NALCN: variants seen among roughly 807,000 people sequenced by gnomAD.
NALCN encodes the protein sodium leak channel NALCN.
NALCN carries 111 observed loss-of-function variants against 225.3 expected under a neutral mutation model. The observed-to-expected ratio is 0.49, with a 90% confidence interval of 0.42 to 0.58. NALCN has a LOEUF of 0.58. NALCN is among the 20% of genes least tolerant of loss of function. The pLI is 0.00. For missense variants in NALCN, 1,378 were observed against 2,202.4 expected (o/e 0.63, Z 7.49); for synonymous variants, 764 against 769.0 (o/e 0.99, Z 0.11).
chr13:101,306,690 T>C (rs1453924922), intron 7 of NALCN, among the ~76,000 whole-genome samples: 1 of 152,234 alleles, frequency 6.6e-6, no homozygotes, highest in Non-Finnish European at 1.5e-5. Flanking sequence ...CATGAATTGC[T>C]GTGGGTCAGG....
chr13:101,411,306 C>T (rs2047777721), intron 1 of NALCN, among the ~76,000 whole-genome samples: 1 of 150,614 alleles, frequency 6.6e-6, no homozygotes, highest in Admixed American at 6.6e-5. Flanking sequence ...AGTCTGTGGG[C>T]ATGCTTCCGC....
intron 6 of NALCN, among the ~76,000 whole-genome samples, chr13:101,373,536 T>G (rs61973706): frequency 6.6e-6 from 1 of 151,986 alleles, no homozygotes; most frequent in Non-Finnish European, 1.5e-5. Flanking sequence ...TTACATTAAC[T>G]GAACAAAACG....
At chr13:101,136,314 A>ATTTATTTATTTATT (rs61142230) in intron 17 of NALCN, among the ~76,000 whole-genome samples, 13,124 of 74,074 alleles carry the variant, frequency 0.18, 962 homozygotes, top group African/African-American at 0.23. Flanking sequence ...TTATTTATTT[A>ATTTATTTATTTATT]TATATTATAC....
intron 13 of NALCN, among the ~76,000 whole-genome samples, chr13:101,211,131 G>A (rs926222280): frequency 6.6e-6 from 1 of 152,004 alleles, no homozygotes; most frequent in Admixed American, 6.6e-5. Context: ...ACATACTTGA[G>A]GAAGCTCATT....
intron 6 of NALCN, among the ~76,000 whole-genome samples, chr13:101,376,006 A>G (rs1325649201): frequency 6.6e-6 from 1 of 152,182 alleles, no homozygotes; most frequent in Non-Finnish European, 1.5e-5. Context: ...CATAATAGGT[A>G]ATTAAAGTAC....
Position 101,074,595 on chromosome 13 carries a change from C to T in NALCN, c.4022G>A (p.Gly1341Asp). 1 of 1,613,618 alleles carries T rather than the reference C, an allele frequency of 6.2e-7. No homozygotes were observed. Among genetic ancestry groups the T allele is most frequent in the Non-Finnish European group, 8.5e-7 (1 of 1,179,938 alleles). Residue 1341 changes from glycine (G) to aspartate (D), a missense_variant, in exon 36 of 44, where the codon GGC becomes GAC. This residue lies in a region of NALCN where 76 missense variants were observed against 118.7 expected (regional missense o/e 0.64). Coordinates refer to ENST00000251127, the MANE Select transcript of NALCN (RefSeq NM_052867.4). ...GTAACACAGCAGCAAGAGAAACATGCCTACTATGATAAAGAAGCTCTTGTA... is the reference window on the plus strand; with the variant it reads ...GTAACACAGCAGCAAGAGAAACATGTCTACTATGATAAAGAAGCTCTTGTA... ...SMYKSFFIIV[G>D]MFLLLLCYAF...
At chr13:101,159,161 A>G (rs933163276) in intron 15 of NALCN, among the ~76,000 whole-genome samples, 9 of 152,258 alleles carry the variant, frequency 5.9e-5, no homozygotes, top group African/African-American at 2.2e-4. Flanking sequence ...GCAAGGAATG[A>G]ATATCATCAC....
At chr13:101,291,752 A>G (rs573838537) in intron 9 of NALCN, among the ~76,000 whole-genome samples, 7 of 152,152 alleles carry the variant, frequency 4.6e-5, no homozygotes, top group African/African-American at 1.7e-4. Context: ...GTCTTGCTAC[A>G]TTACCTAGGC....
At chr13:101,358,226 A>G (rs7328954) in intron 6 of NALCN, among the ~76,000 whole-genome samples, 4,906 of 152,286 alleles carry the variant, frequency 0.032, 267 homozygotes, top group African/African-American at 0.11. Context: ...ATGCACAGCA[A>G]AAGAAACTAT....
chr13:101,407,810 C>T (rs1304172969), intron 1 of NALCN, among the ~76,000 whole-genome samples: 2 of 152,114 alleles, frequency 1.3e-5, no homozygotes, highest in African/African-American at 4.8e-5. Context: ...TTCACAAACA[C>T]GAACTTCTGT....
intron 18 of NALCN, among the ~76,000 whole-genome samples, chr13:101,113,973 G>A (rs943747238): frequency 6.6e-6 from 1 of 152,130 alleles, no homozygotes; most frequent in African/African-American, 2.4e-5. Flanking sequence ...TGAAAAGGTG[G>A]GGAGGGGTGA....
chr13:101,083,242 A>C (rs2033754513), intron 31 of NALCN, 44 bp from the exon 32 acceptor site: 1 of 1,475,110 alleles, frequency 6.8e-7, no homozygotes, highest in Admixed American at 1.7e-5. Context: ...GACACAGGTC[A>C]CATTTACTTT....
intron 6 of NALCN, chr13:101,368,442 T>G (rs1294019990): frequency 6.6e-6 from 1 of 152,006 alleles, no homozygotes; most frequent in Non-Finnish European, 1.5e-5. Context: ...TTTGCTATTG[T>G]GAATAGTGCT....
At chr13:101,061,491 C>T (rs1364758005) in intron 41 of NALCN, among the ~76,000 whole-genome samples, 1 of 151,914 alleles carries the variant, frequency 6.6e-6, no homozygotes, top group Non-Finnish European at 1.5e-5. Context: ...AAGTGATTCT[C>T]ATGCCTCAGC....
At chr13:101,081,429 C>T (rs889559525) in intron 34 of NALCN, 98 bp downstream of exon 34, 7 of 1,551,444 alleles carry the variant, frequency 4.5e-6, no homozygotes, top group Non-Finnish European at 1.8e-6. Context: ...CACCTCAGAG[C>T]AGGTTGATGT....
intron 3 of NALCN, among the ~76,000 whole-genome samples, chr13:101,388,136 T>C (rs1566641691): frequency 6.6e-6 from 1 of 152,094 alleles, no homozygotes; most frequent in South Asian, 2.1e-4. Context: ...CTAACAATAA[T>C]AGAGGCCATG....
At position 101,414,471 on chromosome 13, in the gene NALCN, T is replaced by G. The variant is rs544881564; in HGVS notation, c.-40+1842A>C. 3.9e-5 allele frequency among the ~76,000 whole-genome samples: 6 copies of G among 152,302 alleles called. No individual in the cohort carries two copies. In the South Asian group the frequency reaches 1.2e-3, roughly 32 times the overall value. On this transcript the variant is annotated intron_variant, in intron 1 of 43. Transcript: ENST00000251127. Reference sequence around the variant, plus strand: ...TATACAGCTATGGAAATTCTGAAATTATCTGAACATCATCGATAAATGATA... The same window carrying G: ...TATACAGCTATGGAAATTCTGAAATGATCTGAACATCATCGATAAATGATA...
intron 10 of NALCN, among the ~76,000 whole-genome samples, chr13:101,261,246 C>T (rs532812): frequency 0.12 from 18,368 of 152,130 alleles, 1,330 homozygotes; most frequent in Middle Eastern, 0.2. Context: ...GGCAGTACCA[C>T]GGCGTTTTGA....
chr13:101,394,256 A>G (rs147449770), intron 3 of NALCN, among the ~76,000 whole-genome samples: 25 of 152,354 alleles, frequency 1.6e-4, no homozygotes, highest in Middle Eastern at 3.4e-3. Context: ...TCTGTCTTTC[A>G]AGGATGGCAC....
Sources: gnomAD v4.1 joint callset for allele counts (sites outside exome capture counted in the v4.1 genomes callset) on GRCh38, gnomAD v4.1.1 for gene constraint, gnomAD v4.1.1 regional missense constraint, MANE v1.5 for transcripts, NCBI Gene and HGNC (gene_info 2026-07-23, HGNC 2026-07-21) for gene names.